VEGFC: variants seen among roughly 807,000 people sequenced by gnomAD.
The protein encoded by VEGFC is FLT4 ligand DHM.
VEGFC carries 12 observed loss-of-function variants against 46.1 expected under a neutral mutation model. The ratio of observed to expected loss-of-function variants is 0.26; its 90% confidence interval spans 0.17 to 0.42. The LOEUF (loss-of-function observed/expected upper bound fraction) is 0.42, where lower values mean the gene tolerates loss of function less well. Among genes scored for constraint, VEGFC ranks in the 10% least tolerant of loss-of-function variants. The pLI, the probability that VEGFC is intolerant of heterozygous loss-of-function variation, is 1.00. For missense variants in VEGFC, 488 were observed against 529.4 expected, an observed-to-expected ratio of 0.92 and a Z score of 0.77; for synonymous variants, 232 against 195.5, an observed-to-expected ratio of 1.19 and a Z score of -1.56.
chr4:176,697,944 A>G (rs919489128), intron 4 of VEGFC, among the ~76,000 whole-genome samples: 1 of 150,764 alleles, frequency 6.6e-6, no homozygotes, highest in South Asian at 2.1e-4. Context: ...ATGAGATCAC[A>G]TGGACACAGG....
intron 2 of VEGFC, 112 bp from the exon 3 acceptor site, chr4:176,728,080 A>G: frequency 2.5e-6 from 2 of 807,620 alleles, no homozygotes; most frequent in Admixed American, 3.3e-5. Flanking sequence ...TTTAAGTTCA[A>G]TATATAACTA....
intron 1 of VEGFC, among the ~76,000 whole-genome samples, chr4:176,772,153 C>G (rs769876176): frequency 2.6e-5 from 4 of 152,132 alleles, no homozygotes; most frequent in Non-Finnish European, 4.4e-5. Flanking sequence ...GTGAAATCAA[C>G]ACCAATATGT....
intron 1 of VEGFC, among the ~76,000 whole-genome samples, chr4:176,774,732 C>T (rs759197260): frequency 6.6e-6 from 1 of 150,922 alleles, no homozygotes; most frequent in Non-Finnish European, 1.5e-5. Flanking sequence ...GTGGGTGCAG[C>T]GCACCAGCAT....
intron 1 of VEGFC, among the ~76,000 whole-genome samples, chr4:176,778,256 C>A (rs1735848878): frequency 6.6e-6 from 1 of 152,176 alleles, no homozygotes; most frequent in Admixed American, 6.5e-5. Flanking sequence ...GCAGTTTCCT[C>A]ACAATAGACA....
At chr4:176,728,185 T>C (rs546315529) in intron 2 of VEGFC, among the ~76,000 whole-genome samples, 6 of 152,348 alleles carry the variant, frequency 3.9e-5, no homozygotes, top group South Asian at 2.1e-4. Context: ...CTCATTTCTA[T>C]AGCTAGGCAA....
intron 1 of VEGFC, among the ~76,000 whole-genome samples, chr4:176,741,507 CT>C: frequency 6.6e-6 from 1 of 151,982 alleles, no homozygotes; most frequent in South Asian, 2.1e-4. Context: ...CTGAATTATG[CT>C]TTGTATGTGA....
At chr4:176,713,062 A>G (rs1426636684) in intron 3 of VEGFC, among the ~76,000 whole-genome samples, 1 of 152,194 alleles carries the variant, frequency 6.6e-6, no homozygotes, top group East Asian at 1.9e-4. Flanking sequence ...TTCTCAGATT[A>G]TAAAGATTAC....
intron 4 of VEGFC, among the ~76,000 whole-genome samples, chr4:176,695,330 A>AT (rs1476054959): frequency 1.4e-5 from 2 of 145,806 alleles, no homozygotes; most frequent in Non-Finnish European, 3.0e-5. Flanking sequence ...ACAAACTACC[A>AT]TCAGAGAATA....
At position 176,792,445 on chromosome 4, in the gene VEGFC, C is replaced by G; in HGVS notation, c.-134G>C. Reference sequence around the variant, plus strand: ...CTCCCGGCGACCCCCCCTGGGCGAGCCGGAGGCGGCGGGAGCGGGTCCGGG... The same window carrying G: ...CTCCCGGCGACCCCCCCTGGGCGAGGCGGAGGCGGCGGGAGCGGGTCCGGG... On this transcript the variant is annotated 5_prime_UTR_variant, in exon 1 of 7. Transcript: ENST00000618562. This position sits in a 1 kb window ranked among gnomAD's most constrained non-coding sequence, Gnocchi z 6.3. 1 of 631,620 alleles carries G rather than the reference C, an allele frequency of 1.6e-6. No individual in the cohort carries two copies. The highest frequency in any genetic ancestry group is 2.4e-6 in the Non-Finnish European group (1 of 424,320). 39.1% of individuals were successfully genotyped at this position (631,620 alleles called of 1,614,324 possible). A position where few individuals can be genotyped will look rare whatever the true frequency, so the allele number is the denominator to read the frequency against.
intron 1 of VEGFC, among the ~76,000 whole-genome samples, chr4:176,751,474 G>T (rs1735341174): frequency 6.6e-6 from 1 of 151,802 alleles, no homozygotes; most frequent in South Asian, 2.1e-4. Flanking sequence ...CTTTTTATAA[G>T]GAAACATCAA....
At chr4:176,690,405 A>G (rs948167179) in intron 4 of VEGFC, among the ~76,000 whole-genome samples, 7 of 150,702 alleles carry the variant, frequency 4.6e-5, no homozygotes, top group African/African-American at 1.7e-4. Flanking sequence ...GTTTTTTCAC[A>G]TTTTGTTACA....
intron 3 of VEGFC, among the ~76,000 whole-genome samples, chr4:176,716,885 A>T (rs1734709824): frequency 6.7e-6 from 1 of 149,584 alleles, no homozygotes; most frequent in South Asian, 2.1e-4. Context: ...TACTATTGTC[A>T]GACTATTTTG....
intron 1 of VEGFC, among the ~76,000 whole-genome samples, chr4:176,765,890 T>C (rs1031155558): frequency 3.9e-5 from 6 of 152,132 alleles, no homozygotes; most frequent in Non-Finnish European, 8.8e-5. Context: ...GTGAAAATCA[T>C]TTCTTGTTCA....
At position 176,768,486 on chromosome 4, in the gene VEGFC, T is replaced by TTATATATATA. The variant is rs1189086790; in HGVS notation, c.147+23678_147+23679insTATATATATA. ...AAATGCTGCCAAGTAAGAGGATGTT[T>TTATATATATA]TATACATATATATATATATATATAT... is the stretch of plus-strand genomic sequence containing the variant. On this transcript the variant is annotated intron_variant, in intron 1 of 6. Transcript: ENST00000618562. 4.1e-4 allele frequency among the ~76,000 whole-genome samples: 9 copies of TTATATATATA among 21,972 alleles called. No individual in the cohort carries two copies. In the East Asian group the frequency reaches 0.063, roughly 155 times the overall value. The allele number at this position is 21,972 out of a possible 152,430, so 14.4% of individuals were successfully genotyped here.
chr4:176,790,532 AAC>A (rs34739848), intron 1 of VEGFC, among the ~76,000 whole-genome samples: 114,430 of 151,186 alleles, frequency 0.76, 46,477 homozygotes, highest in East Asian at 0.99. Context: ...AACACACGTA[AAC>A]ACACACACAC....
intron 1 of VEGFC, among the ~76,000 whole-genome samples, chr4:176,734,469 A>G (rs958969054): frequency 4.6e-5 from 7 of 151,878 alleles, no homozygotes; most frequent in African/African-American, 1.2e-4. Flanking sequence ...AACAGACTAC[A>G]CTATCACATT....
At chr4:176,787,998 T>A (rs1344654752) in intron 1 of VEGFC, among the ~76,000 whole-genome samples, 1 of 152,202 alleles carries the variant, frequency 6.6e-6, no homozygotes, top group African/African-American at 2.4e-5. Context: ...CTACAAGGAA[T>A]AATGTAACTG....
chr4:176,738,837 A>G (rs975059159), intron 1 of VEGFC, among the ~76,000 whole-genome samples: 8 of 151,996 alleles, frequency 5.3e-5, no homozygotes, highest in African/African-American at 1.9e-4. Flanking sequence ...GTCTACAAGG[A>G]ACTTAAATTT....
At chr4:176,713,896 G>A (rs184268367) in intron 3 of VEGFC, among the ~76,000 whole-genome samples, 44 of 152,182 alleles carry the variant, frequency 2.9e-4, no homozygotes, top group African/African-American at 9.9e-4. Context: ...ACATGTCTTC[G>A]GGAAGTCAAA....
Sources: gnomAD v4.1 joint callset for allele counts (sites outside exome capture counted in the v4.1 genomes callset) on GRCh38, gnomAD v4.1.1 for gene constraint, Gnocchi (gnomAD v3.1) non-coding constraint, MANE v1.5 for transcripts, NCBI Gene and HGNC (gene_info 2026-07-23, HGNC 2026-07-21) for gene names.